WNT2: variants seen among roughly 807,000 people sequenced by gnomAD.
WNT2 encodes protein Wnt-2.
In WNT2, 12 loss-of-function variants were observed where a neutral mutation model predicts 36.9. The observed-to-expected ratio is 0.33, with a 90% CI of 0.21 to 0.53. The LOEUF (loss-of-function observed/expected upper bound fraction) is 0.53. Among genes scored for constraint, WNT2 ranks in the 20% least tolerant of loss-of-function variants. The pLI, the probability that WNT2 is intolerant of heterozygous loss-of-function variation, is 0.95. For missense variants in WNT2, 379 were observed against 473.1 expected, an observed-to-expected ratio of 0.80 and a Z score of 1.84; for synonymous variants, 163 against 174.6, an observed-to-expected ratio of 0.93 and a Z score of 0.52.
chr7:117,289,039 G>A (rs1463841016), intron 4 of WNT2, among the ~76,000 whole-genome samples: 2 of 138,316 alleles, frequency 1.4e-5, no homozygotes, highest in African/African-American at 2.7e-5. Flanking sequence ...TGATGCATTA[G>A]TTCACGTTAG....
chr7:117,295,124 C>T (rs946593294), intron 4 of WNT2, among the ~76,000 whole-genome samples: 3 of 149,288 alleles, frequency 2.0e-5, no homozygotes, highest in East Asian at 2.1e-4. Context: ...AGAGACGAGA[C>T]GAGACGAGAT....
intron 4 of WNT2, among the ~76,000 whole-genome samples, chr7:117,289,319 AAGTGCT>A (rs1794643443): frequency 6.6e-6 from 1 of 152,056 alleles, no homozygotes; most frequent in Non-Finnish European, 1.5e-5. Context: ...CGGCCTCCCA[AAGTGCT>A]AGTATTACAG....
At chr7:117,302,424 G>T (rs961686676) in intron 3 of WNT2, among the ~76,000 whole-genome samples, 1 of 152,120 alleles carries the variant, frequency 6.6e-6, no homozygotes, top group Non-Finnish European at 1.5e-5. Context: ...GATAATGTTT[G>T]GTGTTAGTAA....
rs1043157238 is a variant in WNT2, at chr7:117,277,254, T to A, written c.*901A>T. 1 of 152,234 alleles carries A rather than the reference T, an allele frequency of 6.6e-6. No individual in the cohort carries two copies. The highest frequency in any genetic ancestry group is 1.5e-5 in the Non-Finnish European group (1 of 68,038). The allele number at this position is 152,234 out of a possible 1,614,324, so 9.4% of individuals were successfully genotyped here. A position where few individuals can be genotyped will look rare whatever the true frequency, so the allele number is the denominator to read the frequency against. ...TGAGATAGGAATTTTATTCTCCCTT[T>A]TTTTCTTGATCTGTACAGATATACT... On this transcript the variant is annotated 3_prime_UTR_variant, in exon 5 of 5. Transcript: ENST00000265441.
chr7:117,281,987 G>A (rs887836401), intron 4 of WNT2, among the ~76,000 whole-genome samples: 3 of 152,072 alleles, frequency 2.0e-5, no homozygotes, highest in African/African-American at 4.8e-5. Context: ...GGCCAAGAGT[G>A]GTGATAAAAG....
At chr7:117,290,999 G>A (rs1387364833) in intron 4 of WNT2, among the ~76,000 whole-genome samples, 2 of 152,204 alleles carry the variant, frequency 1.3e-5, no homozygotes, top group South Asian at 2.1e-4. Context: ...TTAAAAACAT[G>A]TTCCCTTGTT....
Position 117,297,896 on chromosome 7 carries a change from C to A in WNT2, c.589-20G>T. ...TACAGCCTGCCGAAAAAGACAGGGG[C>A]AAGTTCAGTGAGGTTCGAGCAGGTG... On this transcript the variant is annotated intron_variant, in intron 3 of 4. Transcript: ENST00000265441. 6.3e-7 allele frequency: 1 copy of A among 1,599,174 alleles called. No individual in the cohort carries two copies. The highest frequency in any genetic ancestry group is 1.7e-5 in the Admixed American group (1 of 59,488).
chr7:117,315,276 C>G lies in WNT2; in HGVS notation c.383G>C (p.Ser128Thr), dbSNP rs781576084. 8 of 1,614,206 alleles carry G rather than the reference C, an allele frequency of 5.0e-6. No individual in the cohort carries two copies. Among genetic ancestry groups the G allele is most frequent in the Non-Finnish European group, 6.8e-6 (8 of 1,180,016 alleles). ...GVVFAITRAC[S>T]QGEVKSCSCD... is the part of the protein sequence containing the mutation. ...GGAACAGGATTTTACTTCTCCTTGG[C>G]TACAGGCCCTGGTGATGGCAAATAC... Residue 128 changes from serine (S) to threonine (T), a missense_variant, in exon 3 of 5, where the codon AGC (serine) becomes ACC (threonine). Ser to Thr is a moderately conservative substitution (Grantham distance 58). Coordinates refer to ENST00000265441, the MANE Select transcript of WNT2 (RefSeq NM_003391.3).
rs1795296438 is a variant in WNT2, at chr7:117,320,153, T to A, written c.310+414A>T. ...TGTTTTTGCAATACTGATAATCCTT[T>A]GCTGAGAAAAGATTTGAAGATTCTA... On this transcript the variant is annotated intron_variant, in intron 2 of 4. Transcript: ENST00000265441. 2.0e-5 allele frequency among the ~76,000 whole-genome samples: 3 copies of A among 152,344 alleles called. No homozygotes were observed. In the South Asian group the frequency reaches 6.2e-4, roughly 32 times the overall value.
chr7:117,295,797 C>A (rs1794778654), intron 4 of WNT2, among the ~76,000 whole-genome samples: 1 of 152,200 alleles, frequency 6.6e-6, no homozygotes. Flanking sequence ...AGGTCATTCA[C>A]TTTTCTTATC....
chr7:117,282,414 CA>C (rs35059709), intron 4 of WNT2, among the ~76,000 whole-genome samples: 10 of 94,914 alleles, frequency 1.1e-4, no homozygotes, highest in Admixed American at 3.1e-4. Flanking sequence ...AGGAGGAAGA[CA>C]AGGAGGAGGA....
At position 117,277,992 on chromosome 7, in the gene WNT2, C is replaced by A. The variant is rs963543678; in HGVS notation, c.*163G>T. On this transcript the variant is annotated 3_prime_UTR_variant, in exon 5 of 5. Coordinates refer to ENST00000265441, the MANE Select transcript of WNT2 (RefSeq NM_003391.3). The stretch of plus-strand genomic sequence containing the variant: ...GTAGGCTTTAGGTGCAGCGTGTGGC[C>A]CCCCCATCCTGGGGCCCCCAGGGAG... 7 of 696,976 alleles carry A rather than the reference C, an allele frequency of 1.0e-5. No homozygotes were observed. In the East Asian group the frequency reaches 1.1e-4, roughly 11 times the overall value. The allele number at this position is 696,976 out of a possible 1,614,324, so 43.2% of individuals were successfully genotyped here.
rs1233850172 is a variant in WNT2, at chr7:117,314,147, A to G, written c.588+924T>C. 2.0e-5 allele frequency among the ~76,000 whole-genome samples: 3 copies of G among 152,198 alleles called. No individual in the cohort carries two copies. The East Asian group carries it at 5.8e-4, about 29-fold the overall frequency. On this transcript the variant is annotated intron_variant, in intron 3 of 4. Transcript: ENST00000265441. ...TTATCGTTACCTCTTCCTATTGGCAATTAGATTATTCTAGAATAGTTCTGA... is the reference window on the plus strand; with the variant it reads ...TTATCGTTACCTCTTCCTATTGGCAGTTAGATTATTCTAGAATAGTTCTGA...
Position 117,323,058 on chromosome 7 carries a change from C to T in WNT2, c.-69G>A, listed in dbSNP as rs948617167. On this transcript the variant is annotated 5_prime_UTR_variant, in exon 1 of 5. Transcript: ENST00000265441. ...GCGCCATGCGTGCCCAGAGCAGAAG[C>T]GCTCAGCTCCGGGAGCGCCTCGTCA... is the stretch of plus-strand genomic sequence containing the variant. 1.4e-6 allele frequency: 2 copies of T among 1,380,280 alleles called. No individual in the cohort carries two copies. The highest frequency in any genetic ancestry group is 2.5e-5 in the East Asian group (1 of 39,950). 85.5% of individuals were successfully genotyped at this position (1,380,280 alleles called of 1,614,324 possible).
At chr7:117,296,246 G>A (rs1452563197) in intron 4 of WNT2, among the ~76,000 whole-genome samples, 1 of 152,228 alleles carries the variant, frequency 6.6e-6, no homozygotes, top group East Asian at 1.9e-4. Context: ...TGTCAGGAAT[G>A]CAGCGGGGCA....
intron 3 of WNT2, among the ~76,000 whole-genome samples, chr7:117,313,582 A>G (rs184179429): frequency 2.6e-5 from 4 of 152,372 alleles, no homozygotes; most frequent in East Asian, 1.9e-4. Context: ...TGATAAGTCA[A>G]TGTTCTTTTG....
intron 3 of WNT2, among the ~76,000 whole-genome samples, chr7:117,299,021 C>T (rs1244457543): frequency 6.6e-6 from 1 of 151,916 alleles, no homozygotes; most frequent in Admixed American, 6.5e-5. Flanking sequence ...CTCCTCAGCA[C>T]GAGCCACCCC....
chr7:117,301,227 C>G (rs1244107656), intron 3 of WNT2, among the ~76,000 whole-genome samples: 1 of 152,166 alleles, frequency 6.6e-6, no homozygotes. Flanking sequence ...TGTTAACGCA[C>G]AGCATGTTCA....
Position 117,277,946 on chromosome 7 carries a change from C to T in WNT2, c.*209G>A. Reference sequence around the variant, plus strand: ...CAGGAGGGGAGATGACTGCAGAACACCAGGAGATGGATAGAATAGGGTAGG... The same window carrying T: ...CAGGAGGGGAGATGACTGCAGAACATCAGGAGATGGATAGAATAGGGTAGG... On this transcript the variant is annotated 3_prime_UTR_variant, in exon 5 of 5. Transcript: ENST00000265441. 3.4e-6 allele frequency: 2 copies of T among 591,546 alleles called. No homozygotes were observed. The highest frequency in any genetic ancestry group is 4.1e-5 in the South Asian group (2 of 49,096). The allele number at this position is 591,546 out of a possible 1,614,324, so 36.6% of individuals were successfully genotyped here. A position where few individuals can be genotyped will look rare whatever the true frequency, so the allele number is the denominator to read the frequency against.
Sources: gnomAD v4.1 joint callset for allele counts (sites outside exome capture counted in the v4.1 genomes callset) on GRCh38, gnomAD v4.1.1 for gene constraint, MANE v1.5 for transcripts, NCBI Gene and HGNC (gene_info 2026-07-23, HGNC 2026-07-21) for gene names.